Variants in ADAMTSL4 observed in about 807,000 individuals in gnomAD.
The protein encoded by ADAMTSL4 is ADAMTS like 4, also known as ADAMTS-like protein 4.
A neutral mutation model predicts 122.8 loss-of-function variants in ADAMTSL4; 97 were observed. That is an observed-to-expected ratio of 0.79 (90% CI 0.67 to 0.93). ADAMTSL4 has a LOEUF of 0.93. ADAMTSL4 is among the 40% of genes least tolerant of loss of function. The probability of loss-of-function intolerance (pLI) is 0.00; values close to 1 mark genes in which losing one functional copy is unlikely to be tolerated. For missense variants in ADAMTSL4, 1,408 were observed against 1,453.5 expected (o/e 0.97, Z 0.51); for synonymous variants, 592 against 568.0 (o/e 1.04, Z -0.60).
At chr1:150,558,769 C>T in intron 15 of ADAMTSL4, 120 bp downstream of exon 15, 1 of 1,572,588 alleles carries the variant, frequency 6.4e-7, no homozygotes, top group Non-Finnish European at 8.6e-7. Flanking sequence ...ATGCCTGACC[C>T]TGGGAACTCA....
rs1671648890 is a variant in ADAMTSL4, at chr1:150,553,464, G to T, written c.473G>T (p.Gly158Val). 6.2e-7 allele frequency: 1 copy of T among 1,613,802 alleles called. No individual in the cohort carries two copies. Among genetic ancestry groups the T allele is most frequent in the African/African-American group, 1.3e-5 (1 of 74,816 alleles). The change falls in exon 6 of 19, where the codon GGT becomes GTT. Residue 158 changes from glycine to valine, a missense_variant. By Grantham distance (109) the Gly-to-Val change is moderately radical. Transcript: ENST00000271643. ...GACCCCATCAAGCCAGGAATGTTCG[G>T]TTATGGGAGAGTGCCCTTTGCATTG... is the stretch of plus-strand genomic sequence containing the variant. ...LRDPIKPGMFGYGRVPFALPL... is the reference protein window; with the variant it reads ...LRDPIKPGMFVYGRVPFALPL...
In ADAMTSL4 at chr1:150,553,244, C is replaced by T. The variant is rs144397807; in HGVS notation, c.425C>T (p.Ala142Val). 5.4e-5 allele frequency: 87 copies of T among 1,608,510 alleles called. No individual in the cohort carries two copies. The highest frequency in any genetic ancestry group is 1.3e-4 in the East Asian group (6 of 44,820). The change falls in exon 5 of 19, where the codon GCG (alanine) becomes GTG (valine). Residue 142 changes from alanine to valine, a missense_variant. Coordinates refer to ENST00000271643, the MANE Select transcript of ADAMTSL4 (RefSeq NM_019032.6). ...LGREETQEIR[A>V]ARRSRLRDPI... ...AGAGAGGAGACCCAGGAGATTCGAG[C>T]GGCCAGGAGGTGAGAGGCCTGGGTG...
rs1476091298 is a variant in ADAMTSL4, at chr1:150,558,191, G to A, written c.2382+42G>A. 1.9e-6 allele frequency: 3 copies of A among 1,611,256 alleles called. No homozygotes were observed. In the East Asian group the frequency reaches 6.7e-5, roughly 36 times the overall value. On this transcript the variant is annotated intron_variant, in intron 14 of 18. Coordinates refer to ENST00000271643, the MANE Select transcript of ADAMTSL4 (RefSeq NM_019032.6). ...AAGGAGGTGCTGGGGAGGGGAATGG[G>A]CACAGGTGAACAACAGCAGTGGTTT... is the stretch of plus-strand genomic sequence containing the variant.
In ADAMTSL4 at chr1:150,553,020, G is replaced by C; in HGVS notation, c.201G>C (p.Arg67Ser). Reference protein sequence around the residue: ...SQPCGVGVQRRSRTCQLPTVQ... With the variant: ...SQPCGVGVQRSSRTCQLPTVQ... ...CCTGCGGGGTGGGGGTGCAGCGCAG[G>C]AGCCGGACATGTCAGCTCCCTACAG... is the stretch of plus-strand genomic sequence containing the variant. Residue 67 changes from arginine (R) to serine (S), a missense_variant, in exon 5 of 19, where the codon AGG (arginine) becomes AGC (serine). Transcript: ENST00000271643. 3 of 1,613,286 alleles carry C rather than the reference G, an allele frequency of 1.9e-6. No individual in the cohort carries two copies. The highest frequency in any genetic ancestry group is 2.5e-6 in the Non-Finnish European group (3 of 1,179,902).
Position 150,560,141 on chromosome 1 carries a change from C to T in ADAMTSL4, c.3170C>T (p.Thr1057Ile). The T allele has an allele frequency of 6.2e-7, 1 of 1,614,104 alleles. No individual in the cohort carries two copies. The highest frequency in any genetic ancestry group is 8.5e-7 in the Non-Finnish European group (1 of 1,180,034). ...RLCVYPYYTA[T>I]CCRSCAHVLE... ...TGCGTCTACCCCTACTACACAGCCA[C>T]CTGTTGCCGCTCTTGCGCACATGTC... Residue 1057 changes from threonine to isoleucine, a missense_variant, in exon 19 of 19, where the codon ACC becomes ATC. By Grantham distance (89) the Thr-to-Ile change is moderately conservative (BLOSUM62 -1). Transcript: ENST00000271643.
Position 150,560,269 on chromosome 1 carries a change from C to T in ADAMTSL4, c.*73C>T, listed in dbSNP as rs1672644060. ...CCATTGATCGGCCCACTCTGAACCC[C>T]CTGGCTCTCCAGCCTGTCCCAGTCT... On this transcript the variant is annotated 3_prime_UTR_variant, in exon 19 of 19. Transcript: ENST00000271643. 2 of 1,592,080 alleles carry T rather than the reference C, an allele frequency of 1.3e-6. No homozygotes were observed. Among genetic ancestry groups the T allele is most frequent in the South Asian group, 2.2e-5 (2 of 89,640 alleles).
chr1:150,559,182 C>G lies in ADAMTSL4; in HGVS notation c.2763+17C>G, dbSNP rs1299146833. On this transcript the variant is annotated intron_variant, in intron 16 of 18. Transcript: ENST00000271643. This position sits in a 1 kb window ranked among gnomAD's most constrained non-coding sequence, Gnocchi z 4.1. The stretch of plus-strand genomic sequence containing the variant: ...TGGGGTGAGGTAAGCTGAGCGCCTG[C>G]TGAGAGCAGGAAGGGGGTGCCAGTC... The G allele has an allele frequency of 6.2e-7, 1 of 1,612,090 alleles. No homozygotes were observed. The highest frequency in any genetic ancestry group is 8.5e-7 in the Non-Finnish European group (1 of 1,179,358).
At position 150,558,483 on chromosome 1, in the gene ADAMTSL4, G is replaced by T. The variant is rs373621869; in HGVS notation, c.2393G>T (p.Arg798Leu). 4 of 1,613,598 alleles carry T rather than the reference G, an allele frequency of 2.5e-6. No homozygotes were observed. Among genetic ancestry groups the T allele is most frequent in the Non-Finnish European group, 2.5e-6 (3 of 1,179,992 alleles). Residue 798 changes from arginine (R) to leucine (L), a missense_variant, in exon 15 of 19, where the codon CGG becomes CTG. By Grantham distance (102) the Arg-to-Leu change is moderately radical (BLOSUM62 -2). Transcript: ENST00000271643. ...CCCTCGCCCCCTCAGTGCTCCGTGC[G>T]GTGCGGCCGGGGCCAGAGAAGCCGG... is the stretch of plus-strand genomic sequence containing the variant. ...VGSPWSQCSV[R>L]CGRGQRSRQV...
rs773514905 is a variant in ADAMTSL4, at chr1:150,554,384, C to A, written c.1151C>A (p.Pro384Gln). 3 of 1,613,436 alleles carry A rather than the reference C, an allele frequency of 1.9e-6. No individual in the cohort carries two copies. The highest frequency in any genetic ancestry group is 2.5e-6 in the Non-Finnish European group (3 of 1,180,014). Residue 384 changes from proline (P) to glutamine (Q), a missense_variant, in exon 7 of 19, where the codon CCA (proline) becomes CAA (glutamine). By Grantham distance (76) the Pro-to-Gln change is moderately conservative (BLOSUM62 -1). Coordinates refer to ENST00000271643, the MANE Select transcript of ADAMTSL4 (RefSeq NM_019032.6). The surrounding 1 kb of genome is among the most constrained non-coding windows in gnomAD (Gnocchi z 4.0). ...CCGCAGCCCTGCCCCCCTGAGCAGC[C>A]AGACCCCCGGGCCCTGCAGTGCGCA... Reference protein sequence around the residue: ...CSQAPCPPEQPDPRALQCAAF... With the variant: ...CSQAPCPPEQQDPRALQCAAF...
chr1:150,555,357 C>T (rs1671915565), intron 7 of ADAMTSL4, 72 bp from the exon 8 acceptor site: 1 of 1,597,472 alleles, frequency 6.3e-7, no homozygotes, highest in Non-Finnish European at 8.5e-7. Context: ...CTCAAGGTGC[C>T]CCCTCTGGGG....
Position 150,556,636 on chromosome 1 carries a change from G to C in ADAMTSL4, c.1592G>C (p.Gly531Ala), listed in dbSNP as rs776927512. 1 of 1,614,038 alleles carries C rather than the reference G, an allele frequency of 6.2e-7. No individual in the cohort carries two copies. Among genetic ancestry groups the C allele is most frequent in the Admixed American group, 1.7e-5 (1 of 60,014 alleles). Residue 531 changes from glycine (G) to alanine (A), a missense_variant, in exon 10 of 19, where the codon GGG (glycine) becomes GCG (alanine). Transcript: ENST00000271643. This position sits in a 1 kb window ranked among gnomAD's most constrained non-coding sequence, Gnocchi z 4.1. ...SSNYLALRGP[G>A]GRSIINGNWA... The stretch of plus-strand genomic sequence containing the variant: ...TGACCCGCAGCACTTCGTGGCCCTG[G>C]GGGCCGGTCCATCATCAATGGGAAC...
At chr1:150,555,648 CATATGTATGA>C (rs1570939870) in intron 8 of ADAMTSL4, 83 bp downstream of exon 8, 24 of 1,575,736 alleles carry the variant, frequency 1.5e-5, no homozygotes, top group African/African-American at 1.3e-4. Flanking sequence ...CATGTACACA[CATATGTATGA>C]ACACATGCAC....
At position 150,549,995 on chromosome 1, in the gene ADAMTSL4, C is replaced by G. The variant is rs1570909301; in HGVS notation, c.-85+100C>G. ...CTGCCAGACCCAGGAGTGGAGGGCT[C>G]TGAGGGCCCGGGAATTCGGACTCAG... On this transcript the variant is annotated intron_variant, in intron 2 of 18. Coordinates refer to ENST00000271643, the MANE Select transcript of ADAMTSL4 (RefSeq NM_019032.6). The surrounding 1 kb of genome is among the most constrained non-coding windows in gnomAD (Gnocchi z 5.0). 3.7e-6 allele frequency: 1 copy of G among 269,400 alleles called. No homozygotes were observed. The highest frequency in any genetic ancestry group is 7.7e-6 in the Non-Finnish European group (1 of 129,714). 16.7% of individuals were successfully genotyped at this position (269,400 alleles called of 1,614,324 possible).
intron 13 of ADAMTSL4, 133 bp downstream of exon 13, chr1:150,557,756 A>T (rs996992634): frequency 5.9e-6 from 8 of 1,348,378 alleles, no homozygotes; most frequent in Admixed American, 2.2e-5. Flanking sequence ...TTAGAAAGGC[A>T]GACATTCGGT....
chr1:150,553,356 G>T (rs1254249365), intron 5 of ADAMTSL4, 70 bp from the exon 6 acceptor site: 3 of 1,606,806 alleles, frequency 1.9e-6, no homozygotes, highest in Non-Finnish European at 2.6e-6. Flanking sequence ...TTTGGTGCCA[G>T]GAAGTAAACT....
chr1:150,557,676 T>A, intron 13 of ADAMTSL4, 53 bp downstream of exon 13: 1 of 1,565,058 alleles, frequency 6.4e-7, no homozygotes, highest in South Asian at 1.2e-5. Flanking sequence ...ACACAGCAGT[T>A]GCCCCCAGAA....
At chr1:150,551,179 T>G in intron 2 of ADAMTSL4, 1 of 361,346 alleles carries the variant, frequency 2.8e-6, no homozygotes, top group African/African-American at 2.1e-5. Context: ...GAGAGGCCTG[T>G]GGCTGGGGCA....
At position 150,559,459 on chromosome 1, in the gene ADAMTSL4, G is replaced by A. The variant is rs747161108; in HGVS notation, c.2936G>A (p.Trp979Ter). 8.7e-6 allele frequency: 14 copies of A among 1,613,180 alleles called. No homozygotes were observed. Among genetic ancestry groups the A allele is most frequent in the African/African-American group, 5.3e-5 (4 of 74,922 alleles). The change falls in exon 17 of 19, where the codon TGG becomes TAG. Residue 979 changes from tryptophan to a stop codon, truncating the protein, a stop_gained. Transcript: ENST00000271643. LOFTEE classifies it high-confidence loss of function. This position sits in a 1 kb window ranked among gnomAD's most constrained non-coding sequence, Gnocchi z 4.1. ...CAGGACCGATGGTTTTCCACGCCCT[G>A]GAGCCCAGTGAGTGTCTGGCTGCGC... The part of the protein sequence containing the change: ...ACQDRWFSTP[W>*]SPCSRSCQGG...
Position 150,553,435 on chromosome 1 carries a change from T to C in ADAMTSL4, c.444T>C (p.Leu148=), listed in dbSNP as rs758247686. 1.2e-6 allele frequency: 2 copies of C among 1,613,712 alleles called. No homozygotes were observed. The highest frequency in any genetic ancestry group is 2.2e-5 in the South Asian group (2 of 91,062). ...TGAAACACCTTCTCAGGTCCCGGCT[T>C]CGAGACCCCATCAAGCCAGGAATGT... ...QEIRAARRSR[L]RDPIKPGMFG... Residue 148 remains leucine, a synonymous_variant, in exon 6 of 19, where the codon CTT becomes CTC. Transcript: ENST00000271643.
Sources: allele counts gnomAD v4.1 joint callset, GRCh38; gene constraint gnomAD v4.1.1; non-coding constraint Gnocchi (gnomAD v3.1); transcripts MANE v1.5; gene names NCBI Gene and HGNC (gene_info 2026-07-23, HGNC 2026-07-21).